The following TINAGL1 variants were observed in gnomAD, a reference collection of about 807,000 sequenced individuals.
TINAGL1 encodes the protein tubulointerstitial nephritis antigen like 1, also known as tubulointerstitial nephritis antigen-like.
Under a neutral mutation model 62.0 loss-of-function variants are expected in TINAGL1, and 34 were observed. That is an observed-to-expected ratio of 0.55 (90% CI 0.42 to 0.73). The LOEUF (loss-of-function observed/expected upper bound fraction) is 0.73, where lower values mean the gene tolerates loss of function less well. TINAGL1 is among the 30% of genes least tolerant of loss of function. The probability of loss-of-function intolerance (pLI) is 0.00; values close to 1 mark genes in which losing one functional copy is unlikely to be tolerated. For synonymous variants in TINAGL1, 221 were observed against 249.7 expected, an observed-to-expected ratio of 0.88 and a Z score of 1.08; for missense variants, 516 against 653.2, an observed-to-expected ratio of 0.79 and a Z score of 2.29.
rs749184739 is a variant in TINAGL1 at position 31,585,842 on chromosome 1, C to T, written c.1183C>T (p.Arg395Cys). The change falls in exon 10 of 12, where the codon CGC (arginine) becomes TGC (cysteine). Residue 395 changes from arginine to cysteine, a missense_variant. By Grantham distance (180) the Arg-to-Cys change is radical. Coordinates refer to ENST00000271064, the MANE Select transcript of TINAGL1 (RefSeq NM_022164.3). This position sits in a 1 kb window ranked among gnomAD's most constrained non-coding sequence, Gnocchi z 4.3. ...GAGCCTTGGGAGGCCAGAGAGATAC[C>T]GCCGGCATGGGACCCACTCAGTCAA... ...PVSLGRPERY[R>C]RHGTHSVKIT... The T allele has an allele frequency of 1.3e-5, 21 of 1,606,348 alleles. No homozygotes were observed. The highest frequency in any genetic ancestry group is 6.7e-5 in the East Asian group (3 of 44,690).
rs1249036351 is a variant in TINAGL1 at position 31,586,923 on chromosome 1, A to G, written c.1348A>G (p.Ser450Gly). Residue 450 changes from serine (S) to glycine (G), a missense_variant, in exon 12 of 12, where the codon AGC becomes GGC. Ser to Gly is a moderately conservative substitution (Grantham distance 56, BLOSUM62 0). Transcript: ENST00000271064. ...VRGVNECDIESFVLGVWGRVG... is the reference protein window; with the variant it reads ...VRGVNECDIEGFVLGVWGRVG... ...CGGCGTCAATGAGTGCGACATCGAGAGCTTCGTGCTGGGCGTCTGGGGCCG... is the reference window on the plus strand; with the variant it reads ...CGGCGTCAATGAGTGCGACATCGAGGGCTTCGTGCTGGGCGTCTGGGGCCG... 2.6e-6 allele frequency: 4 copies of G among 1,539,292 alleles called. No individual in the cohort carries two copies. Among genetic ancestry groups the G allele is most frequent in the Non-Finnish European group, 3.5e-6 (4 of 1,145,848 alleles).
intron 3 of TINAGL1, 140 bp downstream of exon 3, chr1:31,579,407 G>A (rs1639142204): frequency 4.1e-6 from 3 of 723,540 alleles, no homozygotes; most frequent in Non-Finnish European, 7.2e-6. Flanking sequence ...CTGCAATAGA[G>A]GAATTTTAAC....
chr1:31,580,782 T>C lies in TINAGL1; in HGVS notation c.374+1515T>C. ...GAATTCATAGAATGCAGCCCTTCAG[T>C]CGGCACCTATTATTAAAGACCTACT... On this transcript the variant is annotated intron_variant, in intron 3 of 11. Coordinates refer to ENST00000271064, the MANE Select transcript of TINAGL1 (RefSeq NM_022164.3). The C allele has an allele frequency of 2.5e-6, 3 of 1,207,248 alleles. No homozygotes were observed. In the South Asian group the frequency reaches 4.4e-5, roughly 18 times the overall value. 74.8% of individuals were successfully genotyped at this position (1,207,248 alleles called of 1,614,324 possible).
intron 3 of TINAGL1, chr1:31,580,146 G>A (rs1056712066): frequency 2.9e-5 from 22 of 766,022 alleles, no homozygotes; most frequent in Non-Finnish European, 3.7e-5. Context: ...GGCTCTGGAC[G>A]TTGAGGGGTT....
chr1:31,578,375 G>GGT (rs1639069072), intron 2 of TINAGL1, among the ~76,000 whole-genome samples: 1 of 122,070 alleles, frequency 8.2e-6, no homozygotes, highest in Admixed American at 8.9e-5. Context: ...AGTGAGAGCT[G>GGT]GTATGTGTGT....
chr1:31,580,187 C>CTCTCTCTCTCTCTCTG, intron 3 of TINAGL1: 1 of 423,038 alleles, frequency 2.4e-6, no homozygotes, highest in Admixed American at 6.6e-5. Context: ...CTCTCTCTCT[C>CTCTCTCTCTCTCTCTG]TCTCTCTCTC....
In TINAGL1 at chr1:31,583,519, T is replaced by C; in HGVS notation, c.526T>C (p.Tyr176His). ...WGMTLDEGIR[Y>H]RLGTIRPSSS... ...CATGACCCTGGATGAGGGCATTCGC[T>C]ACCGCCTGGGCACCATCCGCCCATC... Residue 176 changes from tyrosine (Y) to histidine (H), a missense_variant, in exon 5 of 12, where the codon TAC (tyrosine) becomes CAC (histidine). By Grantham distance (83) the Tyr-to-His change is moderately conservative. Transcript: ENST00000271064. The surrounding 1 kb of genome is among the most constrained non-coding windows in gnomAD (Gnocchi z 4.4). 6.2e-7 allele frequency: 1 copy of C among 1,614,118 alleles called. No individual in the cohort carries two copies. Among genetic ancestry groups the C allele is most frequent in the Non-Finnish European group, 8.5e-7 (1 of 1,180,022 alleles).
Position 31,583,012 on chromosome 1 carries a change from G to A in TINAGL1, c.375-137G>A. 1 of 739,226 alleles carries A rather than the reference G, an allele frequency of 1.4e-6. No homozygotes were observed. The highest frequency in any genetic ancestry group is 1.6e-5 in the South Asian group (1 of 63,854). 45.8% of individuals were successfully genotyped at this position (739,226 alleles called of 1,614,324 possible). A position where few individuals can be genotyped will look rare whatever the true frequency, so the allele number is the denominator to read the frequency against. On this transcript the variant is annotated intron_variant, in intron 3 of 11. Transcript: ENST00000271064. The surrounding 1 kb of genome is among the most constrained non-coding windows in gnomAD (Gnocchi z 4.4). ...AGACGTTGACATTTAAAGCCACCAG[G>A]CTGGATGGGATCACCTAGAGATTCT...
At position 31,585,907 on chromosome 1, in the gene TINAGL1, G is replaced by A. The variant is rs763277474; in HGVS notation, c.1217+31G>A. On this transcript the variant is annotated intron_variant, in intron 10 of 11. Transcript: ENST00000271064. The surrounding 1 kb of genome is among the most constrained non-coding windows in gnomAD (Gnocchi z 4.3). ...GGGCGTGTGGGCAGAGGGGGTTTGG[G>A]ACAGCAGGGTTTGTGCTAGGGGCTC... The A allele has an allele frequency of 3.2e-6, 5 of 1,552,256 alleles. No individual in the cohort carries two copies. The Admixed American group carries it at 9.8e-5, about 30-fold the overall frequency.
At chr1:31,579,857 C>T (rs550277421) in intron 3 of TINAGL1, 24 of 161,500 alleles carry the variant, frequency 1.5e-4, no homozygotes, top group African/African-American at 4.8e-4. Context: ...GGGGAGCCTG[C>T]GACTTGGAGG....
intron 2 of TINAGL1, among the ~76,000 whole-genome samples, chr1:31,578,527 T>C (rs892638703): frequency 9.7e-5 from 14 of 143,778 alleles, no homozygotes; most frequent in African/African-American, 3.6e-4. Context: ...ATGTCTTCAG[T>C]TATAGCTTAA....
chr1:31,584,428 T>C lies in TINAGL1; in HGVS notation c.583-250T>C, dbSNP rs183268448. 1 of 522,530 alleles carries C rather than the reference T, an allele frequency of 1.9e-6. No individual in the cohort carries two copies. The highest frequency in any genetic ancestry group is 2.2e-5 in the South Asian group (1 of 45,988). The allele number at this position is 522,530 out of a possible 1,614,324, so 32.4% of individuals were successfully genotyped here. ...TCTGTGCCTGGCCTCAGCTGCCTCA[T>C]CTGGGAAGCAGGACTAGTCACCACC... On this transcript the variant is annotated intron_variant, in intron 5 of 11. Coordinates refer to ENST00000271064, the MANE Select transcript of TINAGL1 (RefSeq NM_022164.3). The surrounding 1 kb of genome is among the most constrained non-coding windows in gnomAD (Gnocchi z 4.0).
In TINAGL1 at chr1:31,586,741, A is replaced by G; in HGVS notation, c.1249A>G (p.Thr417Ala). Residue 417 changes from threonine (T) to alanine (A), a missense_variant, in exon 11 of 12, where the codon ACG becomes GCG. Coordinates refer to ENST00000271064, the MANE Select transcript of TINAGL1 (RefSeq NM_022164.3). ...WGEETLPDGR[T>A]LKYWTAANSW... ...AGAGGAGACGCTGCCAGATGGAAGG[A>G]CGCTCAAATACTGGGTGAGGCCGCT... The G allele has an allele frequency of 3.2e-6, 5 of 1,555,118 alleles. No individual in the cohort carries two copies. The highest frequency in any genetic ancestry group is 4.4e-6 in the Non-Finnish European group (5 of 1,148,944).
At chr1:31,582,605 C>A (rs1250701777) in intron 3 of TINAGL1, among the ~76,000 whole-genome samples, 2 of 152,148 alleles carry the variant, frequency 1.3e-5, no homozygotes, top group African/African-American at 4.8e-5. Flanking sequence ...GGGCAAGGGG[C>A]AGATGCATGG....
chr1:31,579,125 A>G, intron 2 of TINAGL1, 79 bp from the exon 3 acceptor site: 2 of 1,054,612 alleles, frequency 1.9e-6, no homozygotes, highest in Non-Finnish European at 3.0e-6. Flanking sequence ...GGTTCAAGGT[A>G]CCTGACCTCC....
At chr1:31,579,487 G>C (rs928466184) in intron 3 of TINAGL1, among the ~76,000 whole-genome samples, 4 of 152,192 alleles carry the variant, frequency 2.6e-5, no homozygotes, top group Admixed American at 6.5e-5. Context: ...ATGGGTGCCT[G>C]GCCCAGGGGT....
chr1:31,584,509 T>G lies in TINAGL1; in HGVS notation c.583-169T>G. ...CTGGGAGGCACTAAATGGTGCTTGG[T>G]TCTTCAACACAAGTCAAAATTGGAG... is the stretch of plus-strand genomic sequence containing the variant. On this transcript the variant is annotated intron_variant, in intron 5 of 11. Transcript: ENST00000271064. The surrounding 1 kb of genome is among the most constrained non-coding windows in gnomAD (Gnocchi z 4.0). 2 of 1,029,972 alleles carry G rather than the reference T, an allele frequency of 1.9e-6. No homozygotes were observed. The highest frequency in any genetic ancestry group is 2.6e-5 in the East Asian group (1 of 38,036). The allele number at this position is 1,029,972 out of a possible 1,614,324, so 63.8% of individuals were successfully genotyped here.
intron 3 of TINAGL1, among the ~76,000 whole-genome samples, chr1:31,581,642 G>A (rs1312373647): frequency 6.6e-6 from 1 of 152,120 alleles, no homozygotes; most frequent in African/African-American, 2.4e-5. Context: ...AGAGAAGTGG[G>A]GTCTGGGATT....
intron 3 of TINAGL1, among the ~76,000 whole-genome samples, chr1:31,581,577 C>A (rs1019960276): frequency 1.3e-5 from 2 of 152,130 alleles, no homozygotes; most frequent in African/African-American, 4.8e-5. Flanking sequence ...GTTTGAGATG[C>A]CTTTTGCACA....
Sources: gnomAD v4.1 joint callset for allele counts (sites outside exome capture counted in the v4.1 genomes callset) on GRCh38, gnomAD v4.1.1 for gene constraint, Gnocchi (gnomAD v3.1) non-coding constraint, MANE v1.5 for transcripts, NCBI Gene and HGNC (gene_info 2026-07-23, HGNC 2026-07-21) for gene names.